AOPEP: variants seen among roughly 807,000 people sequenced by gnomAD.
The protein encoded by AOPEP is aminopeptidase O (putative).
AOPEP carries 77 observed loss-of-function variants against 98.1 expected under a neutral mutation model. That is an observed-to-expected ratio of 0.78 (90% CI 0.65 to 0.95). The LOEUF (loss-of-function observed/expected upper bound fraction) is 0.95, where lower values mean the gene tolerates loss of function less well. AOPEP is among the 40% of genes least tolerant of loss of function. AOPEP has a pLI of 0.00. For synonymous variants in AOPEP, 346 were observed against 365.3 expected (o/e 0.95, Z 0.60); for missense variants, 1,024 against 1,024.7 (o/e 1.00, Z 0.01).
At chr9:94,830,503 C>T (rs192798316) in intron 5 of AOPEP, among the ~76,000 whole-genome samples, 2 of 152,290 alleles carry the variant, frequency 1.3e-5, no homozygotes, top group African/African-American at 4.8e-5. Flanking sequence ...AATGAACATA[C>T]ACATGCATGT....
the AOPEP span, among the ~76,000 whole-genome samples, chr9:95,136,200 G>A: frequency 6.6e-6 from 1 of 151,966 alleles, no homozygotes; most frequent in Non-Finnish European, 1.5e-5. Flanking sequence ...AGACCAGCCT[G>A]GTCAAATAGT....
chr9:94,880,986 A>T (rs889553765), intron 5 of AOPEP, among the ~76,000 whole-genome samples: 1 of 152,224 alleles, frequency 6.6e-6, no homozygotes, highest in African/African-American at 2.4e-5. Flanking sequence ...CACAATTGTG[A>T]TCTTTACCAC....
chr9:94,776,365 G>A (rs1401648389), intron 3 of AOPEP, among the ~76,000 whole-genome samples: 1 of 152,110 alleles, frequency 6.6e-6, no homozygotes, highest in Non-Finnish European at 1.5e-5. Flanking sequence ...GCAGTGGCGT[G>A]ATCTCGGCTC....
At chr9:95,104,859 C>A in the AOPEP span, among the ~76,000 whole-genome samples, 1 of 152,138 alleles carries the variant, frequency 6.6e-6, no homozygotes, top group Admixed American at 6.5e-5. Flanking sequence ...CTCCCCACTG[C>A]CCCTCCCCAG....
At chr9:95,060,600 T>A in intron 13 of AOPEP, 94 bp from the exon 14 acceptor site, 1 of 833,086 alleles carries the variant, frequency 1.2e-6, no homozygotes, top group East Asian at 2.4e-5. Context: ...AGCACCCAGG[T>A]TACCCTGGGT....
chr9:94,734,529 C>T (rs1214449605), intron 1 of AOPEP, among the ~76,000 whole-genome samples: 2 of 152,128 alleles, frequency 1.3e-5, no homozygotes, highest in Admixed American at 1.3e-4. Context: ...GGAAGCCCTG[C>T]AGTAAGTGGC....
intron 13 of AOPEP, among the ~76,000 whole-genome samples, chr9:95,037,403 G>A (rs1174986899): frequency 6.6e-6 from 1 of 152,154 alleles, no homozygotes; most frequent in Non-Finnish European, 1.5e-5. Flanking sequence ...CCTTAAAGTT[G>A]TTGTCAAAAG....
intron 3 of AOPEP, among the ~76,000 whole-genome samples, chr9:94,775,473 G>A (rs185396278): frequency 2.9e-3 from 441 of 151,792 alleles, no homozygotes; most frequent in Non-Finnish European, 4.6e-3. Flanking sequence ...GGGTTCAGGC[G>A]ATTCTGTCTC....
At chr9:94,761,204 T>C (rs1838204933) in intron 2 of AOPEP, among the ~76,000 whole-genome samples, 1 of 152,186 alleles carries the variant, frequency 6.6e-6, no homozygotes, top group Admixed American at 6.5e-5. Flanking sequence ...TCTTGGTATT[T>C]GGTACCAGAA....
the AOPEP span, among the ~76,000 whole-genome samples, chr9:95,108,270 C>T: frequency 1.3e-5 from 2 of 152,342 alleles, no homozygotes; most frequent in Non-Finnish European, 2.9e-5. Context: ...GGCTCTTCCA[C>T]GGGGAGCGGC....
intron 5 of AOPEP, among the ~76,000 whole-genome samples, chr9:94,923,196 C>T (rs1478864920): frequency 6.6e-6 from 1 of 152,178 alleles, no homozygotes; most frequent in Admixed American, 6.5e-5. Flanking sequence ...TCCCCTTCTT[C>T]CCATTCCACC....
rs1406126159 is a variant in AOPEP, at chr9:95,060,591, G to A, written c.2116-103G>A. Reference sequence around the variant, plus strand: ...TCCATGTTGCCAATATATGCTGAAAGCACCCAGGTTACCCTGGGTATGTGG... The same window carrying A: ...TCCATGTTGCCAATATATGCTGAAAACACCCAGGTTACCCTGGGTATGTGG... On this transcript the variant is annotated intron_variant, in intron 13 of 16. Coordinates refer to ENST00000375315, the MANE Select transcript of AOPEP (RefSeq NM_001193329.3). 6 of 779,552 alleles carry A rather than the reference G, an allele frequency of 7.7e-6. No individual in the cohort carries two copies. In the East Asian group the frequency reaches 1.2e-4, roughly 16 times the overall value. The allele number at this position is 779,552 out of a possible 1,614,324, so 48.3% of individuals were successfully genotyped here.
chr9:94,888,958 C>T (rs2048562155), intron 5 of AOPEP, among the ~76,000 whole-genome samples: 1 of 152,178 alleles, frequency 6.6e-6, no homozygotes. Context: ...ATACCATTGC[C>T]TCAAGGCTCC....
chr9:95,033,116 T>C (rs2133397843), intron 13 of AOPEP, among the ~76,000 whole-genome samples: 1 of 152,308 alleles, frequency 6.6e-6, no homozygotes, highest in South Asian at 2.1e-4. Context: ...GCTCCTGTGC[T>C]ATGTGCTGTT....
chr9:95,037,201 T>C (rs981122219), intron 13 of AOPEP, among the ~76,000 whole-genome samples: 4 of 152,216 alleles, frequency 2.6e-5, no homozygotes, highest in African/African-American at 9.6e-5. Flanking sequence ...TAATTTTTTT[T>C]TTACCTCACC....
chr9:95,037,807 T>A (rs149152126), intron 13 of AOPEP, among the ~76,000 whole-genome samples: 21 of 152,342 alleles, frequency 1.4e-4, no homozygotes, highest in African/African-American at 4.6e-4. Context: ...CTGTAAGTAA[T>A]GTACCTCTCA....
Position 94,930,564 on chromosome 9 carries a change from G to A in AOPEP, c.1661+2033G>A, listed in dbSNP as rs1308771391. ...AGGAAAGTGAGAGAAGAGGTCAGGA[G>A]GAAGAGGGGGAGCCAACAGAGGACT... On this transcript the variant is annotated intron_variant, in intron 7 of 16. Transcript: ENST00000375315. This position sits in a 1 kb window ranked among gnomAD's most constrained non-coding sequence, Gnocchi z 4.5. 6.6e-6 allele frequency among the ~76,000 whole-genome samples: 1 copy of A among 152,122 alleles called. No homozygotes were observed. The highest frequency in any genetic ancestry group is 2.4e-5 in the African/African-American group (1 of 41,422).
chr9:95,083,321 CCA>C (rs1564619123), intron 16 of AOPEP, among the ~76,000 whole-genome samples: 1 of 150,712 alleles, frequency 6.6e-6, no homozygotes, highest in Non-Finnish European at 1.5e-5. Flanking sequence ...AGAGGACGCA[CCA>C]CACAGAGCAC....
chr9:94,927,924 C>T (rs945947360), intron 6 of AOPEP, among the ~76,000 whole-genome samples: 21 of 152,182 alleles, frequency 1.4e-4, no homozygotes, highest in Non-Finnish European at 2.1e-4. Context: ...ATGGCCTCCC[C>T]TCCCCCAGAG....
Sources: allele counts gnomAD v4.1 joint callset (sites outside exome capture counted in the v4.1 genomes callset), GRCh38; gene constraint gnomAD v4.1.1; non-coding constraint Gnocchi (gnomAD v3.1); transcripts MANE v1.5; gene names NCBI Gene and HGNC (gene_info 2026-07-23, HGNC 2026-07-21).